FBXO34: variants seen among roughly 807,000 people sequenced by gnomAD.
The protein encoded by FBXO34 is F-box only protein 34.
FBXO34 carries 12 observed loss-of-function variants against 24.5 expected under a neutral mutation model. The observed-to-expected ratio is 0.49, with a 90% CI of 0.31 to 0.79. The LOEUF is 0.79. Among genes scored for constraint, FBXO34 ranks in the 30% least tolerant of loss-of-function variants. The pLI, the probability that FBXO34 is intolerant of heterozygous loss-of-function variation, is 0.04. For missense variants in FBXO34, 823 were observed against 857.7 expected, an observed-to-expected ratio of 0.96 and a Z score of 0.51; for synonymous variants, 320 against 311.9, an observed-to-expected ratio of 1.03 and a Z score of -0.27.
chr14:55,383,783 C>T, the FBXO34 span, among the ~76,000 whole-genome samples: 1 of 151,970 alleles, frequency 6.6e-6, no homozygotes, highest in East Asian at 1.9e-4. Context: ...AAAAACCCAC[C>T]ATGAGAAGTC....
intron 1 of FBXO34, among the ~76,000 whole-genome samples, chr14:55,331,455 T>C (rs559377390): frequency 6.6e-6 from 1 of 151,220 alleles, no homozygotes; most frequent in Non-Finnish European, 1.5e-5. Flanking sequence ...GTTACAAATA[T>C]ATATGCAGCT....
chr14:55,357,286 T>A (rs1884535989), downstream of FBXO34, among the ~76,000 whole-genome samples: 1 of 152,206 alleles, frequency 6.6e-6, no homozygotes, highest in Non-Finnish European at 1.5e-5. Context: ...TGGGAAGAAC[T>A]GAAATGGAAG....
the FBXO34 span, among the ~76,000 whole-genome samples, chr14:55,425,034 T>C: frequency 6.6e-6 from 1 of 152,198 alleles, no homozygotes; most frequent in African/African-American, 2.4e-5. Flanking sequence ...AATGGAACAC[T>C]AGCATCTTTG....
the FBXO34 span, among the ~76,000 whole-genome samples, chr14:55,435,537 G>C: frequency 6.6e-6 from 1 of 152,132 alleles, no homozygotes; most frequent in Admixed American, 6.5e-5. Context: ...GCCTCCCAAA[G>C]TGCTGGGATT....
At chr14:55,435,161 A>G in the FBXO34 span, among the ~76,000 whole-genome samples, 1 of 152,348 alleles carries the variant, frequency 6.6e-6, no homozygotes, top group South Asian at 2.1e-4. Flanking sequence ...CTCAGATAAG[A>G]GGAATTGTAA....
rs17128378 is a variant in FBXO34, at chr14:55,286,522, A to G, written c.-11+14985A>G. Among the ~76,000 whole-genome samples the G allele has an allele frequency of 9.3e-3, 1,420 of 152,236 alleles. 32 individuals are homozygous for G. The highest frequency in any genetic ancestry group is 0.033 in the African/African-American group (1,368 of 41,538). ...ATAGTGTGCCTACTTTCAGTCTTCT[A>G]TGTTTGAATGTCCCTTTAGTCTATG... On this transcript the variant is annotated intron_variant, in intron 1 of 1. Coordinates refer to ENST00000313833, the MANE Select transcript of FBXO34 (RefSeq NM_017943.4).
the FBXO34 span, among the ~76,000 whole-genome samples, chr14:55,426,877 G>C: frequency 6.6e-6 from 1 of 152,190 alleles, no homozygotes; most frequent in Non-Finnish European, 1.5e-5. Context: ...ACCTATTCTA[G>C]ACTTAGATCT....
the FBXO34 span, among the ~76,000 whole-genome samples, chr14:55,428,038 T>G: frequency 6.7e-6 from 1 of 150,100 alleles, no homozygotes; most frequent in Non-Finnish European, 1.5e-5. Flanking sequence ...GCATTCTTTT[T>G]TCATCTTCTC....
the FBXO34 span, chr14:55,433,518 CAAAG>C: frequency 1.0e-6 from 1 of 995,038 alleles, no homozygotes; most frequent in Non-Finnish European, 1.5e-6. Flanking sequence ...AAGTCTTCAG[CAAAG>C]AAAGGCATTT....
intron 1 of FBXO34, chr14:55,298,838 G>A (rs1186504994): frequency 1.2e-6 from 2 of 1,612,328 alleles, no homozygotes; most frequent in African/African-American, 2.7e-5. Flanking sequence ...GGTATGAGAA[G>A]CAGCTGGCGC....
In FBXO34 at chr14:55,348,998, G is replaced by A. The variant is rs561445716; in HGVS notation, c.-10-1383G>A. ...TGAGCAAGAGTAGGTGAAACTTCACGTGCTTAGACCTGTAGGTACTATTGC... is the reference window on the plus strand; with the variant it reads ...TGAGCAAGAGTAGGTGAAACTTCACATGCTTAGACCTGTAGGTACTATTGC... On this transcript the variant is annotated intron_variant, in intron 1 of 1. Coordinates refer to ENST00000313833, the MANE Select transcript of FBXO34 (RefSeq NM_017943.4). Among the ~76,000 whole-genome samples the A allele has an allele frequency of 3.3e-5, 5 of 152,234 alleles. No homozygotes were observed. In the South Asian group the frequency reaches 6.2e-4, roughly 19 times the overall value.
the FBXO34 span, among the ~76,000 whole-genome samples, chr14:55,395,479 A>T: frequency 3.5e-4 from 54 of 152,182 alleles, no homozygotes; most frequent in Middle Eastern, 6.4e-3. Flanking sequence ...CAGCCTCCCA[A>T]GTAGCTGGGA....
downstream of FBXO34, among the ~76,000 whole-genome samples, chr14:55,356,601 C>A (rs1884525969): frequency 6.6e-6 from 1 of 151,132 alleles, no homozygotes. Context: ...GCATGCGCCA[C>A]CACGTGGGCC....
rs1881896836 is a variant in FBXO34 at position 55,290,176 on chromosome 14, T to C, written c.-11+18639T>C. On this transcript the variant is annotated intron_variant, in intron 1 of 1. Transcript: ENST00000313833. ...GGAGGCTGAGGCGGGCGGATCCCACTTGAGGTCAGGAGTTTGAGACCAGCC... is the reference window on the plus strand; with the variant it reads ...GGAGGCTGAGGCGGGCGGATCCCACCTGAGGTCAGGAGTTTGAGACCAGCC... Among the ~76,000 whole-genome samples, 6 of 151,868 alleles carry C rather than the reference T, an allele frequency of 4.0e-5. No individual in the cohort carries two copies. The South Asian group carries it at 1.0e-3, about 26-fold the overall frequency.
intron 1 of FBXO34, among the ~76,000 whole-genome samples, chr14:55,318,760 A>G (rs1414026948): frequency 6.6e-6 from 1 of 152,114 alleles, no homozygotes; most frequent in East Asian, 1.9e-4. Flanking sequence ...GAGAATTGGA[A>G]CAATTAGTAT....
At chr14:55,344,975 G>C (rs1884112500) in intron 1 of FBXO34, among the ~76,000 whole-genome samples, 1 of 152,132 alleles carries the variant, frequency 6.6e-6, no homozygotes, top group South Asian at 2.1e-4. Flanking sequence ...CCAGTGTCTA[G>C]CCCAGAGCGG....
chr14:55,316,843 A>T, intron 1 of FBXO34, among the ~76,000 whole-genome samples: 1 of 152,004 alleles, frequency 6.6e-6, no homozygotes, highest in East Asian at 1.9e-4. Context: ...TATAAAGTTG[A>T]TCCTGCTCTC....
At chr14:55,304,479 A>G (rs1299634778) in intron 1 of FBXO34, among the ~76,000 whole-genome samples, 3 of 152,032 alleles carry the variant, frequency 2.0e-5, no homozygotes, top group African/African-American at 7.2e-5. Context: ...GGCATGAGCC[A>G]TAGCAGCCAG....
chr14:55,327,929 T>C (rs2140039536), intron 1 of FBXO34, among the ~76,000 whole-genome samples: 1 of 117,408 alleles, frequency 8.5e-6, no homozygotes, highest in East Asian at 2.5e-4. Flanking sequence ...TTTTTTTTTT[T>C]TTTTTTTTTT....
Sources: allele counts gnomAD v4.1 joint callset (sites outside exome capture counted in the v4.1 genomes callset), GRCh38; gene constraint gnomAD v4.1.1; transcripts MANE v1.5; gene names NCBI Gene and HGNC (gene_info 2026-07-23, HGNC 2026-07-21).